COMMD10: variants seen among roughly 807,000 people sequenced by gnomAD.
COMMD10 encodes the protein COMM domain-containing protein 10.
Under a neutral mutation model 28.9 loss-of-function variants are expected in COMMD10, and 33 were observed. The observed-to-expected ratio is 1.14, with a 90% CI of 0.87 to 1.53. COMMD10 has a LOEUF of 1.53. Ranked by LOEUF, COMMD10 falls within the 40% of genes most tolerant of loss-of-function variation. COMMD10 has a pLI of 0.00. For synonymous variants in COMMD10, 110 were observed against 81.7 expected, an observed-to-expected ratio of 1.35 and a Z score of -1.87; for missense variants, 310 against 233.4, an observed-to-expected ratio of 1.33 and a Z score of -2.14.
chr5:116,160,221 A>G (rs531378950), intron 5 of COMMD10, among the ~76,000 whole-genome samples: 1 of 152,344 alleles, frequency 6.6e-6, no homozygotes, highest in Admixed American at 6.5e-5. Context: ...GTATTTAGAT[A>G]TACGTGTTAC....
chr5:116,089,628 A>AGTATCATCTATGT (rs1750232180), intron 2 of COMMD10, among the ~76,000 whole-genome samples: 1 of 152,216 alleles, frequency 6.6e-6, no homozygotes, highest in Non-Finnish European at 1.5e-5. Flanking sequence ...TCTTAGAGTT[A>AGTATCATCTATGT]ACTGAGTGGC....
intron 5 of COMMD10, among the ~76,000 whole-genome samples, chr5:116,282,742 C>T (rs1751105062): frequency 6.6e-6 from 1 of 151,856 alleles, no homozygotes; most frequent in African/African-American, 2.4e-5. Context: ...TTATCTGTAT[C>T]CTTGTCTCTT....
intron 5 of COMMD10, among the ~76,000 whole-genome samples, chr5:116,143,905 C>T (rs72804839): frequency 0.054 from 8,110 of 151,536 alleles, 306 homozygotes; most frequent in East Asian, 0.15. Context: ...ATATGTTAAG[C>T]CAGTAAATAT....
intron 5 of COMMD10, among the ~76,000 whole-genome samples, chr5:116,166,554 C>T (rs577281730): frequency 6.6e-6 from 1 of 152,204 alleles, no homozygotes; most frequent in Non-Finnish European, 1.5e-5. Flanking sequence ...TGGGGTGACA[C>T]CTCCCAGCAG....
chr5:116,097,213 AG>A (rs1259309993), intron 4 of COMMD10, among the ~76,000 whole-genome samples: 1 of 152,194 alleles, frequency 6.6e-6, no homozygotes, highest in African/African-American at 2.4e-5. Context: ...TGTCCCATTG[AG>A]AATGCTGGAA....
intron 5 of COMMD10, among the ~76,000 whole-genome samples, chr5:116,202,463 A>T (rs1204678830): frequency 3.9e-5 from 6 of 151,956 alleles, no homozygotes; most frequent in East Asian, 1.9e-4. Flanking sequence ...ATCGCCACAC[A>T]GACTTCCACA....
chr5:116,182,813 A>G (rs1022448790), intron 5 of COMMD10, among the ~76,000 whole-genome samples: 7 of 152,124 alleles, frequency 4.6e-5, no homozygotes, highest in Non-Finnish European at 5.9e-5. Flanking sequence ...TGTAATCCCC[A>G]TAATCCTCAA....
At chr5:116,109,996 T>G (rs1336072725) in intron 4 of COMMD10, among the ~76,000 whole-genome samples, 1 of 152,212 alleles carries the variant, frequency 6.6e-6, no homozygotes, top group Non-Finnish European at 1.5e-5. Flanking sequence ...AGTGTGATGT[T>G]GTCTGTGGGC....
At chr5:116,289,000 G>A (rs1036693162) in intron 5 of COMMD10, among the ~76,000 whole-genome samples, 1 of 148,828 alleles carries the variant, frequency 6.7e-6, no homozygotes, top group South Asian at 2.1e-4. Context: ...TCCTGCCTCA[G>A]CCTCCTGAGT....
chr5:116,263,727 A>C (rs1750511075), intron 5 of COMMD10, among the ~76,000 whole-genome samples: 1 of 151,772 alleles, frequency 6.6e-6, no homozygotes, highest in African/African-American at 2.4e-5. Context: ...GAAAATATTT[A>C]AATTTACCTA....
At chr5:116,094,060 G>A (rs10477550) in intron 4 of COMMD10, among the ~76,000 whole-genome samples, 33,181 of 151,944 alleles carry the variant, frequency 0.22, 4,512 homozygotes, top group African/African-American at 0.38. Context: ...ACCCACAACT[G>A]TTAAAATACT....
chr5:116,283,375 C>G (rs1385683280), intron 5 of COMMD10, among the ~76,000 whole-genome samples: 3 of 150,308 alleles, frequency 2.0e-5, no homozygotes, highest in Admixed American at 2.0e-4. Context: ...AAGACAGTGT[C>G]TTGCTCTGTC....
chr5:116,087,301 A>T (rs1361569168), intron 1 of COMMD10, among the ~76,000 whole-genome samples, 196 bp from the exon 2 acceptor site: 1 of 152,170 alleles, frequency 6.6e-6, no homozygotes, highest in African/African-American at 2.4e-5. Flanking sequence ...TTTTCAGCAG[A>T]AGTAATTTTG....
chr5:116,154,349 G>A (rs1301272575), intron 5 of COMMD10, among the ~76,000 whole-genome samples: 3 of 152,038 alleles, frequency 2.0e-5, no homozygotes, highest in African/African-American at 7.2e-5. Context: ...TTTGTACTGG[G>A]TAGTTTATTG....
chr5:116,284,919 T>G (rs564552824), intron 5 of COMMD10, among the ~76,000 whole-genome samples: 84 of 152,040 alleles, frequency 5.5e-4, no homozygotes, highest in African/African-American at 2.0e-3. Flanking sequence ...CTTTGTTGGG[T>G]GGGGGCTGCA....
chr5:116,261,282 G>A (rs966827386), intron 5 of COMMD10, among the ~76,000 whole-genome samples: 3 of 151,652 alleles, frequency 2.0e-5, no homozygotes, highest in African/African-American at 7.3e-5. Flanking sequence ...AGAAATCATA[G>A]GTGTAGTCAA....
chr5:116,254,704 A>G (rs570797956), intron 5 of COMMD10, among the ~76,000 whole-genome samples: 1 of 151,716 alleles, frequency 6.6e-6, no homozygotes, highest in South Asian at 2.1e-4. Context: ...TGCTGAGGAG[A>G]TCTTTACTTC....
intron 5 of COMMD10, among the ~76,000 whole-genome samples, chr5:116,200,227 A>G (rs1748630589): frequency 6.6e-6 from 1 of 151,998 alleles, no homozygotes; most frequent in Admixed American, 6.6e-5. Context: ...TCTACTATAT[A>G]TACTTTTTTG....
intron 5 of COMMD10, among the ~76,000 whole-genome samples, chr5:116,204,626 A>G (rs1748764646): frequency 1.3e-5 from 2 of 152,180 alleles, no homozygotes; most frequent in African/African-American, 4.8e-5. Context: ...TTTACAGAAT[A>G]TGTTAAAATC....
Sources: allele counts gnomAD v4.1 joint callset (sites outside exome capture counted in the v4.1 genomes callset), GRCh38; gene constraint gnomAD v4.1.1; transcripts MANE v1.5; gene names NCBI Gene and HGNC (gene_info 2026-07-23, HGNC 2026-07-21).